The following PTPRD variants were observed in gnomAD, a reference collection of about 807,000 sequenced individuals.
PTPRD encodes receptor-type tyrosine-protein phosphatase delta.
In PTPRD, 34 loss-of-function variants were observed where a neutral mutation model predicts 214.5. That is an observed-to-expected ratio of 0.16 (90% confidence interval 0.12 to 0.21). The LOEUF (loss-of-function observed/expected upper bound fraction) is 0.21. Ranked by LOEUF, PTPRD falls within the 10% of genes least tolerant of loss-of-function variation. The pLI, the probability that PTPRD is intolerant of heterozygous loss-of-function variation, is 1.00. For synonymous variants in PTPRD, 1,128 were observed against 845.7 expected (o/e 1.33, Z -5.79); for missense variants, 2,545 against 2,398.7 (o/e 1.06, Z -1.27).
At chr9:9,275,399 G>C (rs1945211036) in intron 9 of PTPRD, among the ~76,000 whole-genome samples, 1 of 149,572 alleles carries the variant, frequency 6.7e-6, no homozygotes, top group Admixed American at 6.8e-5. Context: ...AAATGGCTCA[G>C]AGTCACCTGC....
chr9:10,576,331 TTC>T (rs1400092397), intron 2 of PTPRD, among the ~76,000 whole-genome samples: 1 of 152,124 alleles, frequency 6.6e-6, no homozygotes, highest in Non-Finnish European at 1.5e-5. Flanking sequence ...GAGGGAAACT[TTC>T]TGTTGCTTTT....
intron 4 of PTPRD, among the ~76,000 whole-genome samples, chr9:9,982,285 C>T (rs565122732): frequency 1.3e-5 from 2 of 152,298 alleles, no homozygotes; most frequent in South Asian, 4.1e-4. Flanking sequence ...GACCAAACAA[C>T]ACCCATATTT....
intron 11 of PTPRD, among the ~76,000 whole-genome samples, chr9:9,006,407 G>C (rs2099467209): frequency 1.3e-5 from 2 of 152,004 alleles, no homozygotes; most frequent in African/African-American, 4.8e-5. Context: ...TTAAGGAATA[G>C]ACAAGGCACA....
chr9:10,405,671 A>G (rs1438733508), intron 2 of PTPRD, among the ~76,000 whole-genome samples: 1 of 151,630 alleles, frequency 6.6e-6, no homozygotes, highest in Non-Finnish European at 1.5e-5. Flanking sequence ...GTGATCCAAT[A>G]ACAAGCTTAT....
At chr9:9,743,731 TACACACACACACAC>T (rs4008087) in intron 6 of PTPRD, among the ~76,000 whole-genome samples, 2 of 80,428 alleles carry the variant, frequency 2.5e-5, no homozygotes, top group South Asian at 3.7e-4. Flanking sequence ...ACTCAGTCTA[TACACACACACACAC>T]ACACACACAC....
chr9:8,523,566 A>C (rs2097934984), intron 18 of PTPRD, 42 bp from the exon 19 acceptor site: 4 of 1,610,574 alleles, frequency 2.5e-6, no homozygotes, highest in Non-Finnish European at 3.4e-6. Context: ...CAATGAAATG[A>C]GGAAAGGAGA....
chr9:8,964,977 G>C (rs898893964), intron 11 of PTPRD, among the ~76,000 whole-genome samples: 1 of 152,070 alleles, frequency 6.6e-6, no homozygotes, highest in Non-Finnish European at 1.5e-5. Context: ...GCATGTGGTT[G>C]ATCTTGGGGT....
At chr9:8,360,808 G>T (rs1323742902) in intron 39 of PTPRD, among the ~76,000 whole-genome samples, 2 of 152,090 alleles carry the variant, frequency 1.3e-5, no homozygotes, top group African/African-American at 4.8e-5. Context: ...TCCAAGGGGG[G>T]ACAAATAGTT....
intron 11 of PTPRD, among the ~76,000 whole-genome samples, chr9:8,855,347 C>G (rs2097896535): frequency 6.6e-6 from 1 of 151,988 alleles, no homozygotes. Flanking sequence ...ATACTTTAAG[C>G]AGTTTTACAT....
Position 8,470,980 on chromosome 9 carries a change from C to A in PTPRD, c.3504+15G>T. ...AATAACGAATAAAAGACATGGCCAA[C>A]AATGACACAGTTACCTCATCTAATT... On this transcript the variant is annotated intron_variant, in intron 31 of 45. Transcript: ENST00000381196. 1.2e-6 allele frequency: 2 copies of A among 1,604,132 alleles called. No homozygotes were observed. The highest frequency in any genetic ancestry group is 1.1e-5 in the South Asian group (1 of 90,872).
Position 8,319,854 on chromosome 9 carries a change from G to A in PTPRD, c.5647C>T (p.Arg1883Ter), listed in dbSNP as rs2130701986. 2 of 1,612,892 alleles carry A rather than the reference G, an allele frequency of 1.2e-6. No individual in the cohort carries two copies. Among genetic ancestry groups the A allele is most frequent in the South Asian group, 1.1e-5 (1 of 91,036 alleles). Residue 1883 changes from arginine to a stop codon, truncating the protein, a stop_gained, in exon 45 of 46, where the codon CGA (arginine) becomes TGA (stop). Coordinates refer to ENST00000381196, the MANE Select transcript of PTPRD (RefSeq NM_002839.4). LOFTEE classifies it high-confidence loss of function. Reference protein sequence around the residue: ...FQTVKMLRTQRPAMVQTEDQY... With the variant: ...FQTVKMLRTQ ...ACCTCTGTCTGTACCATAGCTGGTC[G>A]TTGTGTTCTTAACATTTTGACAGTC...
chr9:9,870,077 C>G (rs2065038329), intron 5 of PTPRD, among the ~76,000 whole-genome samples: 1 of 151,980 alleles, frequency 6.6e-6, no homozygotes, highest in South Asian at 2.1e-4. Flanking sequence ...TATATCTTAA[C>G]ATGATATCTT....
intron 3 of PTPRD, among the ~76,000 whole-genome samples, chr9:10,164,141 G>A (rs953517952): frequency 2.0e-5 from 3 of 151,248 alleles, no homozygotes; most frequent in East Asian, 1.9e-4. Context: ...AAAAATACCT[G>A]CACTAATATT....
chr9:10,564,338 C>T (rs979435433), intron 2 of PTPRD, among the ~76,000 whole-genome samples: 2 of 150,742 alleles, frequency 1.3e-5, no homozygotes, highest in Admixed American at 6.6e-5. Flanking sequence ...TTAAAATAGA[C>T]GAAACCGTTT....
At chr9:9,199,242 T>C (rs1294468718) in intron 9 of PTPRD, among the ~76,000 whole-genome samples, 1 of 152,202 alleles carries the variant, frequency 6.6e-6, no homozygotes, top group Non-Finnish European at 1.5e-5. Context: ...CTCTATACTA[T>C]TCGTGTATTA....
chr9:8,719,497 C>A (rs1468318984), intron 12 of PTPRD, among the ~76,000 whole-genome samples: 1 of 152,252 alleles, frequency 6.6e-6, no homozygotes, highest in African/African-American at 2.4e-5. Flanking sequence ...CTGATATTCT[C>A]CACTTTCTCC....
intron 2 of PTPRD, among the ~76,000 whole-genome samples, chr9:10,378,772 T>G (rs1051703257): frequency 6.6e-6 from 1 of 152,212 alleles, no homozygotes; most frequent in East Asian, 1.9e-4. Context: ...TTTGTACCTT[T>G]TGCATAGAAT....
intron 2 of PTPRD, among the ~76,000 whole-genome samples, chr9:10,511,872 G>GTT (rs1428438581): frequency 1.1e-5 from 1 of 88,908 alleles, no homozygotes; most frequent in Non-Finnish European, 2.4e-5. Context: ...GTGTGTGTGT[G>GTT]TGTGTGTATA....
At chr9:8,681,461 T>C (rs1021553634) in intron 12 of PTPRD, among the ~76,000 whole-genome samples, 1 of 152,198 alleles carries the variant, frequency 6.6e-6, no homozygotes, top group African/African-American at 2.4e-5. Context: ...CTGCTAGAAC[T>C]TGAGATAATT....
Sources: gnomAD v4.1 joint callset for allele counts (sites outside exome capture counted in the v4.1 genomes callset) on GRCh38, gnomAD v4.1.1 for gene constraint, MANE v1.5 for transcripts, NCBI Gene and HGNC (gene_info 2026-07-23, HGNC 2026-07-21) for gene names.